DOCK1: variants seen among roughly 807,000 people sequenced by gnomAD.
DOCK1 encodes dedicator of cytokinesis protein 1.
Under a neutral mutation model 262.7 loss-of-function variants are expected in DOCK1, and 138 were observed. That is an observed-to-expected ratio of 0.53 (90% CI 0.46 to 0.61). The LOEUF (loss-of-function observed/expected upper bound fraction) is 0.61, where lower values mean the gene tolerates loss of function less well. DOCK1 is among the 20% of genes least tolerant of loss of function. DOCK1 has a pLI of 0.00. For synonymous variants in DOCK1, 866 were observed against 867.4 expected (o/e 1.00, Z 0.03); for missense variants, 1,908 against 2,370.7 (o/e 0.80, Z 4.05).
chr10:127,217,227 C>A (rs543000286), intron 27 of DOCK1, among the ~76,000 whole-genome samples: 2 of 152,296 alleles, frequency 1.3e-5, no homozygotes, highest in African/African-American at 4.8e-5. Flanking sequence ...TTTTTGGTTT[C>A]CTGCTTTAAC....
chr10:127,007,728 G>T (rs1052887647), intron 10 of DOCK1, among the ~76,000 whole-genome samples: 1 of 152,224 alleles, frequency 6.6e-6, no homozygotes, highest in African/African-American at 2.4e-5. Flanking sequence ...CTCCCGGGGG[G>T]TGTGTTTGTG....
intron 35 of DOCK1, among the ~76,000 whole-genome samples, chr10:127,377,408 TAGTC>T (rs2065557904): frequency 6.6e-6 from 1 of 152,180 alleles, no homozygotes; most frequent in South Asian, 2.1e-4. Context: ...TATACTCTGT[TAGTC>T]ACTAAGAAGA....
At chr10:126,922,723 C>A (rs1049949167) in intron 1 of DOCK1, among the ~76,000 whole-genome samples, 1 of 152,138 alleles carries the variant, frequency 6.6e-6, no homozygotes, top group Non-Finnish European at 1.5e-5. Flanking sequence ...GTGGTGGTTG[C>A]ACAACATTAG....
intron 45 of DOCK1, 72 bp downstream of exon 45, chr10:127,418,613 C>A: frequency 6.6e-7 from 1 of 1,517,620 alleles, no homozygotes; most frequent in Non-Finnish European, 8.8e-7. Context: ...CCGAGAGTCC[C>A]CAAAGCCCAG....
At chr10:127,040,087 G>C (rs1470005915) in intron 19 of DOCK1, among the ~76,000 whole-genome samples, 1 of 152,160 alleles carries the variant, frequency 6.6e-6, no homozygotes, top group African/African-American at 2.4e-5. Flanking sequence ...GGACCAGGTG[G>C]TCTACTTCAG....
chr10:126,996,923 G>A, intron 7 of DOCK1, 40 bp downstream of exon 7: 1 of 1,525,044 alleles, frequency 6.6e-7, no homozygotes, highest in African/African-American at 1.4e-5. Context: ...CGTTTTCTCA[G>A]TAATAAGTTT....
intron 1 of DOCK1, among the ~76,000 whole-genome samples, chr10:126,948,842 C>T (rs1042638509): frequency 6.6e-6 from 1 of 152,076 alleles, no homozygotes; most frequent in African/African-American, 2.4e-5. Context: ...GCCCCCTATG[C>T]CTTTCCTGAG....
At chr10:127,423,285 C>A (rs2068616871) in intron 46 of DOCK1, among the ~76,000 whole-genome samples, 1 of 152,066 alleles carries the variant, frequency 6.6e-6, no homozygotes. Context: ...CTGGGAGTCC[C>A]AGGACTCATG....
At chr10:126,988,067 A>AAT (rs1326746978) in intron 5 of DOCK1, 4 of 83,202 alleles carry the variant, frequency 4.8e-5, no homozygotes, top group African/African-American at 2.0e-4. Flanking sequence ...TAAGAAAAAC[A>AAT]ACAGTCTTCT....
At chr10:127,117,328 A>C (rs953253073) in intron 25 of DOCK1, among the ~76,000 whole-genome samples, 1 of 152,210 alleles carries the variant, frequency 6.6e-6, no homozygotes, top group Non-Finnish European at 1.5e-5. Context: ...GGAGCTGTCC[A>C]CCGCCGTGGT....
At chr10:127,257,980 G>T (rs921883070) in intron 29 of DOCK1, among the ~76,000 whole-genome samples, 1 of 152,108 alleles carries the variant, frequency 6.6e-6, no homozygotes, top group Non-Finnish European at 1.5e-5. Context: ...TCTCAATCAC[G>T]TGGGATTTTT....
intron 27 of DOCK1, 118 bp from the exon 28 acceptor site, chr10:127,247,890 T>C: frequency 1.1e-6 from 1 of 916,596 alleles, no homozygotes; most frequent in Non-Finnish European, 1.7e-6. Flanking sequence ...CAGGGCTCCC[T>C]GCCCATGCCC....
rs1035897434 is a variant in DOCK1 at position 126,995,242 on chromosome 10, G to A, written c.474-1506G>A. 1.2e-4 allele frequency among the ~76,000 whole-genome samples: 19 copies of A among 152,034 alleles called. No homozygotes were observed. The highest frequency in any genetic ancestry group is 2.9e-4 in the African/African-American group (12 of 41,366). ...CTCCTCACTTCCCAGACGGGGTGGCGGCCGGGCAGAGGCTGCAATCTCGGC... is the reference window on the plus strand; with the variant it reads ...CTCCTCACTTCCCAGACGGGGTGGCAGCCGGGCAGAGGCTGCAATCTCGGC... On this transcript the variant is annotated intron_variant, in intron 6 of 51. Coordinates refer to ENST00000623213, the MANE Select transcript of DOCK1 (RefSeq NM_001290223.2). This position sits in a 1 kb window ranked among gnomAD's most constrained non-coding sequence, Gnocchi z 5.8.
At chr10:127,064,884 G>A (rs781159909) in intron 23 of DOCK1, among the ~76,000 whole-genome samples, 5 of 152,142 alleles carry the variant, frequency 3.3e-5, no homozygotes, top group Non-Finnish European at 5.9e-5. Context: ...TGGAACTCCA[G>A]CCCCATCAAA....
intron 27 of DOCK1, among the ~76,000 whole-genome samples, chr10:127,171,242 T>A (rs2133833448): frequency 6.6e-6 from 1 of 152,332 alleles, no homozygotes; most frequent in Admixed American, 6.5e-5. Flanking sequence ...ATTTGGAAGC[T>A]ACTGAGAGCG....
chr10:127,435,730 G>A (rs1181481400), intron 48 of DOCK1, among the ~76,000 whole-genome samples: 1 of 152,170 alleles, frequency 6.6e-6, no homozygotes, highest in African/African-American at 2.4e-5. Context: ...GAAGGCATTT[G>A]TTTAACCTTT....
At chr10:127,252,368 T>A (rs550254481) in intron 28 of DOCK1, among the ~76,000 whole-genome samples, 2 of 151,638 alleles carry the variant, frequency 1.3e-5, no homozygotes, top group South Asian at 4.2e-4. Flanking sequence ...TTTCTTTTGC[T>A]GTGCAGAAGC....
At chr10:127,004,859 G>T (rs576041336) in intron 10 of DOCK1, among the ~76,000 whole-genome samples, 22 of 146,538 alleles carry the variant, frequency 1.5e-4, no homozygotes, top group African/African-American at 5.3e-4. Flanking sequence ...AACCAAAATC[G>T]CTTGTTTGTC....
At chr10:126,918,908 G>GA (rs2032842477) in intron 1 of DOCK1, among the ~76,000 whole-genome samples, 16 of 151,918 alleles carry the variant, frequency 1.1e-4, no homozygotes, top group Non-Finnish European at 1.5e-4. Context: ...TCGGACAGGT[G>GA]GGCACGGAGG....
Sources: gnomAD v4.1 joint callset for allele counts (sites outside exome capture counted in the v4.1 genomes callset) on GRCh38, gnomAD v4.1.1 for gene constraint, Gnocchi (gnomAD v3.1) non-coding constraint, MANE v1.5 for transcripts, NCBI Gene and HGNC (gene_info 2026-07-23, HGNC 2026-07-21) for gene names.